The following ATP11B variants were observed in gnomAD, a reference collection of about 807,000 sequenced individuals.
ATP11B encodes phospholipid-transporting ATPase IF.
ATP11B carries 81 observed loss-of-function variants against 157.8 expected under a neutral mutation model. The ratio of observed to expected loss-of-function variants is 0.51; its 90% CI spans 0.43 to 0.62. The LOEUF is 0.62. Ranked by LOEUF, ATP11B falls within the 20% of genes least tolerant of loss-of-function variation. The pLI is 0.00. For missense variants in ATP11B, 1,165 were observed against 1,402.2 expected (o/e 0.83, Z 2.70); for synonymous variants, 451 against 469.4 (o/e 0.96, Z 0.51).
At position 182,846,204 on chromosome 3, in the gene ATP11B, T is replaced by A. The variant is rs117318437; in HGVS notation, c.769+682T>A. On this transcript the variant is annotated intron_variant, in intron 9 of 29. Transcript: ENST00000323116. The stretch of plus-strand genomic sequence containing the variant: ...TTACCCACTGGCTGTCTGCAGCTTG[T>A]GAGATCTTCTTTCCCATTTGCTCTT... Among the ~76,000 whole-genome samples, 891 of 152,234 alleles carry A rather than the reference T, an allele frequency of 5.9e-3. 22 individuals are homozygous for A. Among genetic ancestry groups the A allele is most frequent in the East Asian group, 0.054 (282 of 5,176 alleles).
rs370275183 is a variant in ATP11B, at chr3:182,799,045, A to T, written c.27+5259A>T. On this transcript the variant is annotated intron_variant, in intron 1 of 29. Transcript: ENST00000323116. ...ATAGGCAGATTCAAGAAAGTTTTTGATTCTAAGGACTTTATGACTTTACCC... is the reference window on the plus strand; with the variant it reads ...ATAGGCAGATTCAAGAAAGTTTTTGTTTCTAAGGACTTTATGACTTTACCC... Among the ~76,000 whole-genome samples, 111 of 152,320 alleles carry T rather than the reference A, an allele frequency of 7.3e-4. 1 individual carries two copies. The South Asian group carries it at 0.022, about 30-fold the overall frequency.
chr3:182,875,095 A>T (rs1721936320), intron 19 of ATP11B, among the ~76,000 whole-genome samples: 2 of 152,162 alleles, frequency 1.3e-5, no homozygotes, highest in Admixed American at 6.6e-5. Context: ...TAGGCATATC[A>T]AATTTTTGCC....
At chr3:182,890,823 A>G (rs1300514592) in intron 25 of ATP11B, among the ~76,000 whole-genome samples, 1 of 152,184 alleles carries the variant, frequency 6.6e-6, no homozygotes, top group Non-Finnish European at 1.5e-5. Context: ...TTAACCTCAG[A>G]GAGGTTAAGA....
At chr3:182,867,166 T>A (rs1313706512) in intron 14 of ATP11B, among the ~76,000 whole-genome samples, 1 of 150,652 alleles carries the variant, frequency 6.6e-6, no homozygotes, top group Non-Finnish European at 1.5e-5. Flanking sequence ...TACCCTCAGG[T>A]GATCAACCCG....
chr3:182,800,047 C>T (rs550753748), intron 1 of ATP11B, among the ~76,000 whole-genome samples: 12 of 151,598 alleles, frequency 7.9e-5, no homozygotes, highest in Admixed American at 1.3e-4. Context: ...GAGTTCAAGG[C>T]GGCAGTGAGC....
intron 10 of ATP11B, among the ~76,000 whole-genome samples, chr3:182,855,637 G>A (rs1338579543): frequency 6.6e-6 from 1 of 152,084 alleles, no homozygotes; most frequent in Non-Finnish European, 1.5e-5. Context: ...ATCTTCCAGA[G>A]GCTTTATGTT....
chr3:182,870,549 C>T (rs1721577846), intron 17 of ATP11B, among the ~76,000 whole-genome samples: 1 of 152,076 alleles, frequency 6.6e-6, no homozygotes, highest in Non-Finnish European at 1.5e-5. Flanking sequence ...ATAGTTTGTG[C>T]TCAGTAAGTA....
At position 182,909,996 on chromosome 3, in the gene ATP11B, G is replaced by A. The variant is rs937604355; in HGVS notation, c.3319-3865G>A. Among the ~76,000 whole-genome samples, 4 of 149,216 alleles carry A rather than the reference G, an allele frequency of 2.7e-5. No homozygotes were observed. In the East Asian group the frequency reaches 8.0e-4, roughly 30 times the overall value. ...TGAGAATTGCTTGAACCCAGGAGGC[G>A]GAGGTTGCAGTGAACCAAGATCACA... is the stretch of plus-strand genomic sequence containing the variant. On this transcript the variant is annotated intron_variant, in intron 28 of 29. Coordinates refer to ENST00000323116, the MANE Select transcript of ATP11B (RefSeq NM_014616.3).
chr3:182,869,035 A>C (rs199523127), intron 15 of ATP11B, 43 bp from the exon 16 acceptor site: 7 of 1,356,420 alleles, frequency 5.2e-6, no homozygotes, highest in Admixed American at 2.1e-5. Context: ...ATATTATTTT[A>C]AAAAAAGTAA....
intron 2 of ATP11B, among the ~76,000 whole-genome samples, chr3:182,821,335 C>T (rs1717330952): frequency 6.6e-6 from 1 of 152,084 alleles, no homozygotes; most frequent in Non-Finnish European, 1.5e-5. Context: ...TCTTGAACTC[C>T]AGACCTCATG....
At chr3:182,814,312 A>C (rs1716843604) in intron 1 of ATP11B, among the ~76,000 whole-genome samples, 1 of 150,790 alleles carries the variant, frequency 6.6e-6, no homozygotes, top group African/African-American at 2.4e-5. Flanking sequence ...TGATTTGTCC[A>C]CCTCGGCCTC....
chr3:182,808,972 T>G (rs1293536097), intron 1 of ATP11B, among the ~76,000 whole-genome samples: 3 of 152,080 alleles, frequency 2.0e-5, no homozygotes, highest in Admixed American at 1.3e-4. Flanking sequence ...TTTAAAGTCT[T>G]AGATTGTTTC....
intron 28 of ATP11B, chr3:182,905,752 T>C (rs756031511): frequency 2.2e-6 from 1 of 456,702 alleles, no homozygotes; most frequent in South Asian, 1.5e-5. Flanking sequence ...GTGAAGAGTA[T>C]CATTCTGTAA....
At chr3:182,816,148 G>GA (rs1025141091) in intron 1 of ATP11B, among the ~76,000 whole-genome samples, 14 of 148,630 alleles carry the variant, frequency 9.4e-5, no homozygotes, top group African/African-American at 2.0e-4. Context: ...AGTCCAGTAA[G>GA]AAAAAAAAAG....
chr3:182,830,776 A>G (rs550023376), intron 4 of ATP11B, among the ~76,000 whole-genome samples: 1 of 152,362 alleles, frequency 6.6e-6, no homozygotes, highest in South Asian at 2.1e-4. Flanking sequence ...TTATGCATCT[A>G]CATGTCAGAG....
At position 182,836,061 on chromosome 3, in the gene ATP11B, C is replaced by T; in HGVS notation, c.342C>T (p.Asn114=). 6.2e-7 allele frequency: 1 copy of T among 1,613,164 alleles called. No individual in the cohort carries two copies. Among genetic ancestry groups the T allele is most frequent in the Non-Finnish European group, 8.5e-7 (1 of 1,179,484 alleles). Residue 114 remains asparagine, a synonymous_variant, in exon 5 of 30, where the codon AAC becomes AAT. Coordinates refer to ENST00000323116, the MANE Select transcript of ATP11B (RefSeq NM_014616.3). Reference sequence around the variant, plus strand: ...GATATGAAGATTGGTTACGGCATAACTCAGATAATGAAGTAAATGGAGCTC... The same window carrying T: ...GATATGAAGATTGGTTACGGCATAATTCAGATAATGAAGTAAATGGAGCTC... ...KQGYEDWLRH[N]SDNEVNGAPV... is the part of the protein sequence containing the mutation.
chr3:182,875,089 C>A (rs993144740), intron 19 of ATP11B, among the ~76,000 whole-genome samples: 3 of 152,102 alleles, frequency 2.0e-5, no homozygotes, highest in Non-Finnish European at 4.4e-5. Flanking sequence ...CTTTTATAGG[C>A]ATATCAAATT....
At chr3:182,805,474 G>A (rs1353191538) in intron 1 of ATP11B, among the ~76,000 whole-genome samples, 2 of 149,722 alleles carry the variant, frequency 1.3e-5, no homozygotes, top group African/African-American at 4.9e-5. Context: ...TTTCTTTTGA[G>A]ACGGAGTTTC....
chr3:182,841,486 A>C (rs1361044286), intron 7 of ATP11B, among the ~76,000 whole-genome samples: 1 of 152,200 alleles, frequency 6.6e-6, no homozygotes, highest in African/African-American at 2.4e-5. Flanking sequence ...TCCCTAATCC[A>C]AAAATTCAAA....
Sources: gnomAD v4.1 joint callset for allele counts (sites outside exome capture counted in the v4.1 genomes callset) on GRCh38, gnomAD v4.1.1 for gene constraint, MANE v1.5 for transcripts, NCBI Gene and HGNC (gene_info 2026-07-23, HGNC 2026-07-21) for gene names.